Variants in ITGAV observed in about 807,000 individuals in gnomAD.
ITGAV encodes integrin subunit alpha V, also known as integrin alpha-V.
ITGAV carries 76 observed loss-of-function variants against 143.8 expected under a neutral mutation model. The observed-to-expected ratio is 0.53, with a 90% CI of 0.44 to 0.64. The LOEUF is 0.64. Ranked by LOEUF, ITGAV falls within the 30% of genes least tolerant of loss-of-function variation. The pLI is 0.00. For synonymous variants in ITGAV, 453 were observed against 446.7 expected (o/e 1.01, Z -0.18); for missense variants, 1,193 against 1,274.7 (o/e 0.94, Z 0.98).
chr2:186,621,247 A>G (rs1285520470), intron 2 of ITGAV, among the ~76,000 whole-genome samples: 1 of 152,214 alleles, frequency 6.6e-6, no homozygotes, highest in Non-Finnish European at 1.5e-5. Context: ...AATTTCAGTA[A>G]TACAATGAAC....
intron 3 of ITGAV, among the ~76,000 whole-genome samples, chr2:186,623,689 C>T (rs1687595443): frequency 6.6e-6 from 1 of 152,110 alleles, no homozygotes; most frequent in African/African-American, 2.4e-5. Context: ...ACTCTTGTTT[C>T]CTTCCATCAA....
Position 186,590,409 on chromosome 2 carries a change from T to C in ITGAV, c.71T>C (p.Leu24Pro). 6.2e-7 allele frequency: 1 copy of C among 1,612,388 alleles called. No homozygotes were observed. The change falls in exon 1 of 30, where the codon CTG (leucine) becomes CCG (proline). Residue 24 changes from leucine to proline, a missense_variant. Coordinates refer to ENST00000261023, the MANE Select transcript of ITGAV (RefSeq NM_002210.5). ...CTCCCGCTTCTTCTCTCGGGACTCC[T>C]GCTACCTCTGTGCCGCGCCTTCAAC... The part of the protein sequence containing the change: ...RGLPLLLSGL[L>P]LPLCRAFNLD...
chr2:186,631,039 A>C (rs1687802953), intron 5 of ITGAV, among the ~76,000 whole-genome samples, 181 bp downstream of exon 5: 1 of 152,110 alleles, frequency 6.6e-6, no homozygotes, highest in African/African-American at 2.4e-5. Flanking sequence ...TCCCTAGTAA[A>C]CATTGCTTAT....
chr2:186,596,935 C>T (rs1686765438), intron 1 of ITGAV, among the ~76,000 whole-genome samples: 1 of 152,082 alleles, frequency 6.6e-6, no homozygotes, highest in Non-Finnish European at 1.5e-5. Context: ...CAGCTTTTTT[C>T]CCTCACAAAT....
intron 5 of ITGAV, among the ~76,000 whole-genome samples, chr2:186,632,554 A>G (rs1574479147): frequency 1.3e-5 from 2 of 152,314 alleles, no homozygotes; most frequent in Admixed American, 1.3e-4. Flanking sequence ...AACACAATAT[A>G]CCTAGGATTA....
chr2:186,672,549 G>C (rs1689095512), intron 26 of ITGAV, among the ~76,000 whole-genome samples: 1 of 152,130 alleles, frequency 6.6e-6, no homozygotes, highest in Non-Finnish European at 1.5e-5. Context: ...CAATATATGA[G>C]GGTCCTATTT....
chr2:186,678,564 T>G lies in ITGAV; in HGVS notation c.*1272T>G. ...AAGTTACTGAAAACCTTTTAAACCT[T>G]TCTGAAGTTCGTTAGTATAAATTAC... On this transcript the variant is annotated 3_prime_UTR_variant, in exon 30 of 30. Coordinates refer to ENST00000261023, the MANE Select transcript of ITGAV (RefSeq NM_002210.5). The G allele has an allele frequency of 2.0e-5, 6 of 306,042 alleles. No homozygotes were observed. Among genetic ancestry groups the G allele is most frequent in the Non-Finnish European group, 3.8e-5 (6 of 157,248 alleles). 19.0% of individuals were successfully genotyped at this position (306,042 alleles called of 1,614,324 possible). A position where few individuals can be genotyped will look rare whatever the true frequency, so the allele number is the denominator to read the frequency against.
At chr2:186,663,968 A>G (rs55767908) in intron 19 of ITGAV, 133 bp downstream of exon 19, 76,143 of 633,226 alleles carry the variant, frequency 0.12, 5,474 homozygotes, top group Middle Eastern at 0.2. Flanking sequence ...TATAACACTA[A>G]AACTATCAAT....
At chr2:186,605,797 A>AATAC (rs71017331) in intron 2 of ITGAV, among the ~76,000 whole-genome samples, 673 of 1,026 alleles carry the variant, frequency 0.66, 212 homozygotes, top group East Asian at 0.92. Context: ...GTATATGTAT[A>AATAC]ATATATTCTT....
chr2:186,674,713 T>C (rs1362297617), intron 26 of ITGAV, among the ~76,000 whole-genome samples: 1 of 151,920 alleles, frequency 6.6e-6, no homozygotes, highest in African/African-American at 2.4e-5. Context: ...CATTTCACCA[T>C]GTTGGCCAGG....
At chr2:186,667,393 C>G (rs983109006) in intron 23 of ITGAV, among the ~76,000 whole-genome samples, 163 bp downstream of exon 23, 1 of 152,128 alleles carries the variant, frequency 6.6e-6, no homozygotes, top group Non-Finnish European at 1.5e-5. Flanking sequence ...GTTCCAAACC[C>G]CCAATACTGG....
chr2:186,669,891 C>A, intron 26 of ITGAV, 77 bp downstream of exon 26: 1 of 922,866 alleles, frequency 1.1e-6, no homozygotes, highest in Non-Finnish European at 1.7e-6. Flanking sequence ...AAGAACATTT[C>A]AAAAATAACA....
At chr2:186,591,230 G>A (rs1455322113) in intron 1 of ITGAV, among the ~76,000 whole-genome samples, 1 of 152,168 alleles carries the variant, frequency 6.6e-6, no homozygotes, top group African/African-American at 2.4e-5. Context: ...CTCGCTGCAG[G>A]TCATTTGAAT....
In ITGAV at chr2:186,676,945, G is replaced by A. The variant is rs961151014; in HGVS notation, c.3051+10G>A. ...ATTTGTAATGTACAGGGTAAGTAACGGACTTAGAAAGAAGGAGAGAGGGAA... is the reference window on the plus strand; with the variant it reads ...ATTTGTAATGTACAGGGTAAGTAACAGACTTAGAAAGAAGGAGAGAGGGAA... On this transcript the variant is annotated intron_variant, in intron 29 of 29. Transcript: ENST00000261023. 8.1e-6 allele frequency: 13 copies of A among 1,611,076 alleles called. No individual in the cohort carries two copies. Among genetic ancestry groups the A allele is most frequent in the East Asian group, 4.5e-5 (2 of 44,826 alleles).
chr2:186,643,742 A>G lies in ITGAV; in HGVS notation c.1159+2154A>G, dbSNP rs148707774. On this transcript the variant is annotated intron_variant, in intron 12 of 29. Transcript: ENST00000261023. Reference sequence around the variant, plus strand: ...CAGAGGAAAAAAAAGAAAAGCAGGAAAGAGCATCTAAAATGATCAAAGGAA... The same window carrying G: ...CAGAGGAAAAAAAAGAAAAGCAGGAGAGAGCATCTAAAATGATCAAAGGAA... Among the ~76,000 whole-genome samples the G allele has an allele frequency of 2.9e-3, 445 of 152,326 alleles. 4 individuals carry two copies. Among genetic ancestry groups the G allele is most frequent in the African/African-American group, 9.8e-3 (406 of 41,572 alleles).
chr2:186,663,903 G>C lies in ITGAV; in HGVS notation c.1925+68G>C. On this transcript the variant is annotated intron_variant, in intron 19 of 29. Coordinates refer to ENST00000261023, the MANE Select transcript of ITGAV (RefSeq NM_002210.5). ...GGAAGGGCACATTTTTCTATTCAAA[G>C]GACTAACATATTTTAACGAGAATTA... The C allele has an allele frequency of 3.7e-6, 4 of 1,068,134 alleles. 1 individual carries two copies. The South Asian group carries it at 5.2e-5, about 14-fold the overall frequency. 66.2% of individuals were successfully genotyped at this position (1,068,134 alleles called of 1,614,324 possible).
At chr2:186,609,610 T>C (rs1474625174) in intron 2 of ITGAV, among the ~76,000 whole-genome samples, 1 of 152,134 alleles carries the variant, frequency 6.6e-6, no homozygotes, top group African/African-American at 2.4e-5. Flanking sequence ...CTGGAAAGTA[T>C]CTAACTTTGC....
At chr2:186,670,197 T>C (rs974628155) in intron 26 of ITGAV, among the ~76,000 whole-genome samples, 1 of 152,224 alleles carries the variant, frequency 6.6e-6, no homozygotes, top group African/African-American at 2.4e-5. Flanking sequence ...AGTTAGCCTA[T>C]ATAATGGCTA....
intron 18 of ITGAV, 146 bp from the exon 19 acceptor site, chr2:186,663,622 T>A: frequency 1.8e-6 from 1 of 559,306 alleles, no homozygotes; most frequent in Non-Finnish European, 3.1e-6. Context: ...CTCTTTTGCA[T>A]TCAGGTATAC....
Sources: gnomAD v4.1 joint callset for allele counts (sites outside exome capture counted in the v4.1 genomes callset) on GRCh38, gnomAD v4.1.1 for gene constraint, MANE v1.5 for transcripts, NCBI Gene and HGNC (gene_info 2026-07-23, HGNC 2026-07-21) for gene names.